The following GNB1 variants were observed in gnomAD, a reference collection of about 807,000 sequenced individuals.
GNB1 encodes G protein subunit beta 1, also known as guanine nucleotide-binding protein G(I)/G(S)/G(T) subunit beta-1.
A neutral mutation model predicts 42.9 loss-of-function variants in GNB1; 2 were observed. That is an observed-to-expected ratio of 0.05 (90% CI 0.02 to 0.15). The LOEUF is 0.15. Ranked by LOEUF, GNB1 falls within the 10% of genes least tolerant of loss-of-function variation. The pLI, the probability that GNB1 is intolerant of heterozygous loss-of-function variation, is 1.00. For missense variants in GNB1, 193 were observed against 462.2 expected, an observed-to-expected ratio of 0.42 and a Z score of 5.34; for synonymous variants, 183 against 174.7, an observed-to-expected ratio of 1.05 and a Z score of -0.38.
intron 1 of GNB1, among the ~76,000 whole-genome samples, chr1:1,869,185 CA>C (rs71578347): frequency 0.071 from 1,898 of 26,706 alleles, 6 homozygotes; most frequent in African/African-American, 0.18. Context: ...GACACCTTCT[CA>C]AAAAAAAAAA....
chr1:1,823,889 A>T (rs754602091), intron 3 of GNB1, among the ~76,000 whole-genome samples: 1 of 152,212 alleles, frequency 6.6e-6, no homozygotes, highest in Non-Finnish European at 1.5e-5. Context: ...TATTTTGAGA[A>T]GGTGTCACTT....
chr1:1,789,864 G>A (rs1182493130), intron 9 of GNB1, among the ~76,000 whole-genome samples: 1 of 152,178 alleles, frequency 6.6e-6, no homozygotes, highest in African/African-American at 2.4e-5. Flanking sequence ...AGTCATCACT[G>A]ACAGGTGTGC....
chr1:1,887,085 A>C (rs1177285865), intron 1 of GNB1, among the ~76,000 whole-genome samples: 2 of 152,220 alleles, frequency 1.3e-5, no homozygotes, highest in Non-Finnish European at 2.9e-5. Context: ...GGGTTTCAAA[A>C]TAACATGGCC....
intron 1 of GNB1, among the ~76,000 whole-genome samples, chr1:1,842,458 T>A (rs992445234): frequency 2.2e-4 from 32 of 148,756 alleles, no homozygotes; most frequent in Non-Finnish European, 4.1e-4. Context: ...AAAGAAGTCC[T>A]GGTCCTGTCT....
At chr1:1,887,940 A>C (rs968266291) in intron 1 of GNB1, among the ~76,000 whole-genome samples, 2 of 152,176 alleles carry the variant, frequency 1.3e-5, no homozygotes, top group African/African-American at 4.8e-5. Flanking sequence ...AACAAACAAT[A>C]AAAAAACCAC....
At position 1,787,610 on chromosome 1, in the gene GNB1, A is replaced by G. The variant is rs1304218768; in HGVS notation, c.917-173T>C. On this transcript the variant is annotated intron_variant, in intron 10 of 11. Transcript: ENST00000378609. The surrounding 1 kb of genome is among the most constrained non-coding windows in gnomAD (Gnocchi z 4.4). Reference sequence around the variant, plus strand: ...CACGTGGGGAATTAACCTGCAGCATATGGCCAGCCTTGTTAAAATTCAAAG... The same window carrying G: ...CACGTGGGGAATTAACCTGCAGCATGTGGCCAGCCTTGTTAAAATTCAAAG... 1.3e-5 allele frequency among the ~76,000 whole-genome samples: 2 copies of G among 152,194 alleles called. No homozygotes were observed. The highest frequency in any genetic ancestry group is 6.6e-5 in the Admixed American group (1 of 15,266).
intron 2 of GNB1, among the ~76,000 whole-genome samples, chr1:1,829,945 G>A (rs954596028): frequency 1.3e-5 from 2 of 151,672 alleles, no homozygotes; most frequent in Admixed American, 6.6e-5. Context: ...TCATCATGTT[G>A]GCCAGGCTGG....
At chr1:1,815,013 G>A (rs1320659123) in intron 5 of GNB1, among the ~76,000 whole-genome samples, 20 of 151,494 alleles carry the variant, frequency 1.3e-4, no homozygotes, top group African/African-American at 4.8e-4. Context: ...TAGGGAGGGT[G>A]AGGCAGGAGA....
At chr1:1,832,574 A>G (rs1647091761) in intron 2 of GNB1, among the ~76,000 whole-genome samples, 1 of 152,220 alleles carries the variant, frequency 6.6e-6, no homozygotes, top group African/African-American at 2.4e-5. Flanking sequence ...AAGTGTTAGC[A>G]AGATTTTTAA....
intron 4 of GNB1, 180 bp downstream of exon 4, chr1:1,817,657 T>G: frequency 2.0e-6 from 1 of 492,542 alleles, no homozygotes; most frequent in Non-Finnish European, 3.7e-6. Context: ...CATTTTTATC[T>G]CAATAAGCCC....
At chr1:1,816,672 G>C (rs1200048187) in intron 4 of GNB1, among the ~76,000 whole-genome samples, 5 of 134,200 alleles carry the variant, frequency 3.7e-5, no homozygotes, top group Non-Finnish European at 4.7e-5. Flanking sequence ...TTTTTAAGAT[G>C]GAGTCTCGCT....
In GNB1 at chr1:1,787,542, A is replaced by C. The variant is rs1235217349; in HGVS notation, c.917-105T>G. On this transcript the variant is annotated intron_variant, in intron 10 of 11. Transcript: ENST00000378609. This position sits in a 1 kb window ranked among gnomAD's most constrained non-coding sequence, Gnocchi z 4.4. ...GATGGTGCATCTCTCATGGGACAAG[A>C]CCCAGAGTCTCCCACGGCCAGGAAG... 3 of 662,386 alleles carry C rather than the reference A, an allele frequency of 4.5e-6. No individual in the cohort carries two copies. The highest frequency in any genetic ancestry group is 7.8e-6 in the Non-Finnish European group (3 of 384,144). The allele number at this position is 662,386 out of a possible 1,614,324, so 41.0% of individuals were successfully genotyped here. A position where few individuals can be genotyped will look rare whatever the true frequency, so the allele number is the denominator to read the frequency against.
intron 1 of GNB1, among the ~76,000 whole-genome samples, chr1:1,845,886 C>T (rs1471847271): frequency 1.3e-5 from 2 of 150,106 alleles, no homozygotes; most frequent in Admixed American, 6.6e-5. Context: ...TATCTCCTAT[C>T]TCTTGTCAAC....
At chr1:1,833,675 T>C (rs1570687326) in intron 2 of GNB1, among the ~76,000 whole-genome samples, 1 of 151,946 alleles carries the variant, frequency 6.6e-6, no homozygotes. Context: ...TGCGAACGGG[T>C]GAAGTGTGCC....
chr1:1,808,642 TTTTG>T (rs55730045), intron 5 of GNB1, among the ~76,000 whole-genome samples: 38,171 of 151,276 alleles, frequency 0.25, 4,969 homozygotes, highest in African/African-American at 0.29. Flanking sequence ...GTTTGTTTGT[TTTTG>T]TTTGTTTGTT....
chr1:1,833,129 T>C (rs1163082043), intron 2 of GNB1, among the ~76,000 whole-genome samples: 3 of 152,138 alleles, frequency 2.0e-5, no homozygotes, highest in Non-Finnish European at 4.4e-5. Flanking sequence ...TGTGCAGCAC[T>C]GGATGGCTGC....
At chr1:1,796,713 G>A (rs143123208) in intron 7 of GNB1, among the ~76,000 whole-genome samples, 1 of 152,226 alleles carries the variant, frequency 6.6e-6, no homozygotes, top group Non-Finnish European at 1.5e-5. Context: ...TGTGCACCCA[G>A]TGAGGAGGTG....
At chr1:1,870,596 T>C (rs1461921694) in intron 1 of GNB1, among the ~76,000 whole-genome samples, 1 of 152,260 alleles carries the variant, frequency 6.6e-6, no homozygotes, top group East Asian at 1.9e-4. Flanking sequence ...TTATGCGCTG[T>C]TACGCATGTT....
At chr1:1,843,178 A>C (rs2101286117) in intron 1 of GNB1, among the ~76,000 whole-genome samples, 1 of 152,314 alleles carries the variant, frequency 6.6e-6, no homozygotes, top group African/African-American at 2.4e-5. Context: ...AGGAAGAGAA[A>C]TACTACTAAA....
Sources: allele counts gnomAD v4.1 joint callset (sites outside exome capture counted in the v4.1 genomes callset), GRCh38; gene constraint gnomAD v4.1.1; non-coding constraint Gnocchi (gnomAD v3.1); transcripts MANE v1.5; gene names NCBI Gene and HGNC (gene_info 2026-07-23, HGNC 2026-07-21).